The following UNC5C variants were observed in gnomAD, a reference collection of about 807,000 sequenced individuals.
The protein encoded by UNC5C is netrin receptor UNC5C.
In UNC5C, 47 loss-of-function variants were observed where a neutral mutation model predicts 99.8. The observed-to-expected ratio is 0.47, with a 90% confidence interval of 0.37 to 0.60. UNC5C has a LOEUF of 0.60. UNC5C is among the 20% of genes least tolerant of loss of function. The pLI, the probability that UNC5C is intolerant of heterozygous loss-of-function variation, is 0.00. For synonymous variants in UNC5C, 487 were observed against 452.2 expected, an observed-to-expected ratio of 1.08 and a Z score of -0.98; for missense variants, 1,062 against 1,165.9, an observed-to-expected ratio of 0.91 and a Z score of 1.30.
intron 1 of UNC5C, among the ~76,000 whole-genome samples, chr4:95,528,085 T>C (rs1578210557): frequency 6.6e-6 from 1 of 152,180 alleles, no homozygotes; most frequent in East Asian, 1.9e-4. Context: ...TAAAAATTAT[T>C]ACATGATCAA....
intron 12 of UNC5C, among the ~76,000 whole-genome samples, chr4:95,192,237 C>T (rs1375965762): frequency 8.9e-5 from 13 of 145,960 alleles, no homozygotes; most frequent in African/African-American, 3.1e-4. Context: ...TCTGCTCACC[C>T]TCCTCCCCTG....
chr4:95,505,420 T>A (rs769057073), intron 1 of UNC5C, among the ~76,000 whole-genome samples: 1 of 152,100 alleles, frequency 6.6e-6, no homozygotes, highest in Admixed American at 6.6e-5. Flanking sequence ...TATAACCCAC[T>A]CTCATCAAAG....
chr4:95,246,118 T>C (rs2149380102), intron 5 of UNC5C, among the ~76,000 whole-genome samples: 1 of 152,316 alleles, frequency 6.6e-6, no homozygotes, highest in Non-Finnish European at 1.5e-5. Context: ...AGAAACATTT[T>C]TTACAGCAAC....
At chr4:95,209,485 C>T (rs1433856922) in intron 10 of UNC5C, among the ~76,000 whole-genome samples, 1 of 152,118 alleles carries the variant, frequency 6.6e-6, no homozygotes, top group Non-Finnish European at 1.5e-5. Flanking sequence ...TTTCTTTCTT[C>T]CTATTTAGAA....
chr4:95,448,344 G>A lies in UNC5C; in HGVS notation c.124+100390C>T, dbSNP rs142798420. On this transcript the variant is annotated intron_variant, in intron 1 of 15. Transcript: ENST00000453304. ...GCCACACATGCAACATTTGAAAAGC[G>A]AAAACCTCATCACCAGAGGCAACCC... 1.6e-4 allele frequency among the ~76,000 whole-genome samples: 24 copies of A among 151,978 alleles called. No homozygotes were observed. The East Asian group carries it at 2.1e-3, about 14-fold the overall frequency.
At chr4:95,403,113 G>C (rs1173829152) in intron 1 of UNC5C, among the ~76,000 whole-genome samples, 1 of 152,056 alleles carries the variant, frequency 6.6e-6, no homozygotes, top group Non-Finnish European at 1.5e-5. Context: ...TTACTAAGTA[G>C]AACAAGGAAT....
chr4:95,532,094 A>G (rs1053778637), intron 1 of UNC5C, among the ~76,000 whole-genome samples: 1 of 152,200 alleles, frequency 6.6e-6, no homozygotes, highest in African/African-American at 2.4e-5. Context: ...CGTGCTCTTA[A>G]TGCTTACACA....
chr4:95,196,626 G>T (rs1036736071), intron 12 of UNC5C, among the ~76,000 whole-genome samples: 1 of 149,724 alleles, frequency 6.7e-6, no homozygotes, highest in Non-Finnish European at 1.5e-5. Context: ...TACAAAAGCT[G>T]CCAAGCTCAA....
intron 1 of UNC5C, among the ~76,000 whole-genome samples, chr4:95,446,712 G>C (rs1014740085): frequency 2.6e-5 from 4 of 152,092 alleles, no homozygotes; most frequent in African/African-American, 4.8e-5. Context: ...CAACTATAGT[G>C]GTTACACACT....
intron 12 of UNC5C, among the ~76,000 whole-genome samples, chr4:95,196,500 G>GGCA: frequency 6.6e-6 from 1 of 151,850 alleles, no homozygotes; most frequent in Admixed American, 6.6e-5. Context: ...CTTTTGCTCT[G>GGCA]GTAGTCACTG....
chr4:95,284,220 A>C (rs1384271372), intron 3 of UNC5C, among the ~76,000 whole-genome samples: 1 of 152,098 alleles, frequency 6.6e-6, no homozygotes, highest in Non-Finnish European at 1.5e-5. Flanking sequence ...GCTTTTTGAC[A>C]AAAAAATGCA....
chr4:95,337,663 C>T (rs973008515), intron 1 of UNC5C, among the ~76,000 whole-genome samples: 11 of 151,872 alleles, frequency 7.2e-5, no homozygotes, highest in Non-Finnish European at 1.6e-4. Context: ...TTAATTTTGA[C>T]TTTTAAGACA....
At chr4:95,301,497 T>A in intron 3 of UNC5C, 109 bp downstream of exon 3, 1 of 1,508,160 alleles carries the variant, frequency 6.6e-7, no homozygotes, top group South Asian at 1.2e-5. Context: ...GCCTGGCCTT[T>A]CCAGGATTTT....
chr4:95,344,887 A>G (rs1403371793), intron 1 of UNC5C, among the ~76,000 whole-genome samples: 1 of 151,996 alleles, frequency 6.6e-6, no homozygotes, highest in African/African-American at 2.4e-5. Context: ...CCAACTGAGG[A>G]AAAAACCTTC....
At chr4:95,207,123 C>A (rs1280235865) in intron 10 of UNC5C, among the ~76,000 whole-genome samples, 2 of 152,088 alleles carry the variant, frequency 1.3e-5, no homozygotes, top group Non-Finnish European at 2.9e-5. Context: ...TGAGAATGAA[C>A]AGAGTCCCTA....
At chr4:95,201,829 C>T (rs1270513028) in intron 12 of UNC5C, among the ~76,000 whole-genome samples, 2 of 152,162 alleles carry the variant, frequency 1.3e-5, no homozygotes, top group Non-Finnish European at 2.9e-5. Context: ...TGGTCTTGAT[C>T]TCCTGACCTC....
chr4:95,304,556 A>G (rs979923211), intron 2 of UNC5C, among the ~76,000 whole-genome samples: 2 of 151,836 alleles, frequency 1.3e-5, no homozygotes, highest in Non-Finnish European at 2.9e-5. Flanking sequence ...CCCAGTCCCC[A>G]TATCTTTCTC....
At chr4:95,262,000 T>C (rs75962664) in intron 4 of UNC5C, among the ~76,000 whole-genome samples, 6,180 of 152,268 alleles carry the variant, frequency 0.041, 198 homozygotes, top group Middle Eastern at 0.071. Flanking sequence ...CTGCGCCCAG[T>C]CTGCATTCCT....
intron 4 of UNC5C, among the ~76,000 whole-genome samples, chr4:95,275,342 T>A (rs553578816): frequency 1.3e-5 from 2 of 151,766 alleles, no homozygotes; most frequent in African/African-American, 4.9e-5. Flanking sequence ...TAAAAAATTA[T>A]AATATAACAA....
Sources: allele counts gnomAD v4.1 joint callset (sites outside exome capture counted in the v4.1 genomes callset), GRCh38; gene constraint gnomAD v4.1.1; transcripts MANE v1.5; gene names NCBI Gene and HGNC (gene_info 2026-07-23, HGNC 2026-07-21).